ATP9B: variants seen among roughly 807,000 people sequenced by gnomAD.
The protein encoded by ATP9B is probable phospholipid-transporting ATPase IIB.
A neutral mutation model predicts 146.1 loss-of-function variants in ATP9B; 110 were observed. That is an observed-to-expected ratio of 0.75 (90% CI 0.65 to 0.88). The LOEUF (loss-of-function observed/expected upper bound fraction) is 0.88, where lower values mean the gene tolerates loss of function less well. Ranked by LOEUF, ATP9B falls within the 40% of genes least tolerant of loss-of-function variation. ATP9B has a pLI of 0.00. For synonymous variants in ATP9B, 604 were observed against 569.7 expected (o/e 1.06, Z -0.86); for missense variants, 1,499 against 1,496.4 (o/e 1.00, Z -0.03).
chr18:79,298,107 C>T (rs1466260014), intron 13 of ATP9B, among the ~76,000 whole-genome samples: 1 of 146,078 alleles, frequency 6.8e-6, no homozygotes, highest in Non-Finnish European at 1.5e-5. Context: ...CAGTGCAGTA[C>T]GGTAAGAAAG....
At chr18:79,185,965 C>A (rs1415748908) in intron 8 of ATP9B, among the ~76,000 whole-genome samples, 2 of 152,194 alleles carry the variant, frequency 1.3e-5, no homozygotes, top group African/African-American at 4.8e-5. Context: ...ATTTCAGAGT[C>A]ATGTAATAAT....
At chr18:79,144,097 G>A (rs2094547826) in intron 6 of ATP9B, 1 of 318,360 alleles carries the variant, frequency 3.1e-6, no homozygotes, top group South Asian at 1.0e-4. Context: ...ATGGTTAACT[G>A]CTTAATGTTG....
chr18:79,232,686 G>T (rs1344453240), intron 11 of ATP9B, among the ~76,000 whole-genome samples: 1 of 152,204 alleles, frequency 6.6e-6, no homozygotes. Context: ...ACCAGATAGG[G>T]AATCTAAAAG....
At chr18:79,125,211 T>C (rs529828254) in intron 4 of ATP9B, among the ~76,000 whole-genome samples, 1 of 151,956 alleles carries the variant, frequency 6.6e-6, no homozygotes, top group Non-Finnish European at 1.5e-5. Context: ...GGAGAGATGG[T>C]TGTAGGGCCG....
rs114894792 is a variant in ATP9B at position 79,306,572 on chromosome 18, T to A, written c.1525-414T>A. ...AGATTCTTAAAGATTTTGTCCTGCT[T>A]TTAGCTTTGTACAACATTATTTAAA... On this transcript the variant is annotated intron_variant, in intron 14 of 29. Transcript: ENST00000426216. Among the ~76,000 whole-genome samples, 997 of 152,346 alleles carry A rather than the reference T, an allele frequency of 6.5e-3. 5 individuals are homozygous for A. Among genetic ancestry groups the A allele is most frequent in the African/African-American group, 0.022 (932 of 41,566 alleles).
chr18:79,233,719 C>T (rs1055469455), intron 11 of ATP9B, among the ~76,000 whole-genome samples: 1 of 152,130 alleles, frequency 6.6e-6, no homozygotes, highest in Non-Finnish European at 1.5e-5. Flanking sequence ...AGTGCTGACC[C>T]CTGTGCAGTC....
intron 1 of ATP9B, among the ~76,000 whole-genome samples, chr18:79,080,729 C>T (rs1470119098): frequency 3.9e-5 from 6 of 152,114 alleles, no homozygotes; most frequent in Non-Finnish European, 8.8e-5. Context: ...CCAGCTTTTG[C>T]CCACTCAGTA....
chr18:79,308,372 C>T (rs1423672914), intron 15 of ATP9B, among the ~76,000 whole-genome samples: 3 of 152,036 alleles, frequency 2.0e-5, no homozygotes, highest in Non-Finnish European at 2.9e-5. Flanking sequence ...GTGTTAGAGC[C>T]GGGAAGTGGA....
intron 1 of ATP9B, among the ~76,000 whole-genome samples, chr18:79,091,578 C>G (rs2074319396): frequency 6.6e-6 from 1 of 152,092 alleles, no homozygotes; most frequent in African/African-American, 2.4e-5. Flanking sequence ...TTCTTTTTCA[C>G]AGTGTTTACT....
At chr18:79,201,985 G>C (rs1412965280) in intron 9 of ATP9B, among the ~76,000 whole-genome samples, 1 of 152,230 alleles carries the variant, frequency 6.6e-6, no homozygotes, top group East Asian at 2.0e-4. Flanking sequence ...CTGCCAGGTT[G>C]AGGTGGAGCC....
intron 12 of ATP9B, among the ~76,000 whole-genome samples, chr18:79,257,022 G>A (rs946842413): frequency 5.3e-5 from 8 of 152,116 alleles, no homozygotes; most frequent in Admixed American, 3.3e-4. Flanking sequence ...TATCTTGGCC[G>A]GGCGCAGGGG....
chr18:79,282,672 T>C (rs1395943636), intron 13 of ATP9B, among the ~76,000 whole-genome samples: 4 of 152,246 alleles, frequency 2.6e-5, no homozygotes, highest in East Asian at 1.9e-4. Context: ...CAAAAAGTCA[T>C]GTGGCTCACT....
At chr18:79,258,776 T>A (rs1432044886) in intron 12 of ATP9B, among the ~76,000 whole-genome samples, 1 of 152,146 alleles carries the variant, frequency 6.6e-6, no homozygotes, top group Non-Finnish European at 1.5e-5. Context: ...TCACACCCAC[T>A]TCAACACAAG....
chr18:79,231,502 G>T (rs2095790956), intron 11 of ATP9B, among the ~76,000 whole-genome samples: 1 of 152,128 alleles, frequency 6.6e-6, no homozygotes, highest in Non-Finnish European at 1.5e-5. Context: ...TGCTGGTGTG[G>T]ATGTGGTGAT....
intron 21 of ATP9B, among the ~76,000 whole-genome samples, chr18:79,345,112 T>C (rs150569127): frequency 6.6e-6 from 1 of 152,274 alleles, no homozygotes; most frequent in African/African-American, 2.4e-5. Flanking sequence ...CTAAGGCAGC[T>C]TGGATTCCAG....
intron 11 of ATP9B, among the ~76,000 whole-genome samples, chr18:79,238,383 G>A (rs991034139): frequency 3.3e-5 from 5 of 152,284 alleles, no homozygotes; most frequent in East Asian, 1.9e-4. Flanking sequence ...TGGGCATCAC[G>A]TCTCCGGTGC....
chr18:79,313,646 A>G (rs536464320), intron 15 of ATP9B, among the ~76,000 whole-genome samples: 2 of 152,274 alleles, frequency 1.3e-5, no homozygotes, highest in African/African-American at 4.8e-5. Context: ...TTAAGTTTTA[A>G]TATAAGTCAT....
chr18:79,372,413 T>C (rs1036507070), intron 26 of ATP9B: 1 of 359,416 alleles, frequency 2.8e-6, no homozygotes, highest in Non-Finnish European at 5.5e-6. Flanking sequence ...ACTGTTACGT[T>C]CTGTATCTTT....
chr18:79,126,145 C>T (rs2094282427), intron 4 of ATP9B, 122 bp from the exon 5 acceptor site: 6 of 748,122 alleles, frequency 8.0e-6, no homozygotes, highest in Admixed American at 3.2e-5. Flanking sequence ...TTTTGGTTTT[C>T]ATTTATTTTA....
Sources: gnomAD v4.1 joint callset for allele counts (sites outside exome capture counted in the v4.1 genomes callset) on GRCh38, gnomAD v4.1.1 for gene constraint, MANE v1.5 for transcripts, NCBI Gene and HGNC (gene_info 2026-07-23, HGNC 2026-07-21) for gene names.